BDNF: variants seen among roughly 807,000 people sequenced by gnomAD.
BDNF encodes the protein brain derived neurotrophic factor.
Under a neutral mutation model 19.5 loss-of-function variants are expected in BDNF, and 1 was observed. The observed-to-expected ratio is 0.05, with a 90% CI of 0.02 to 0.24. The LOEUF (loss-of-function observed/expected upper bound fraction) is 0.24. BDNF is among the 10% of genes least tolerant of loss of function. The pLI, the probability that BDNF is intolerant of heterozygous loss-of-function variation, is 1.00. For missense variants in BDNF, 195 were observed against 317.6 expected (o/e 0.61, Z 2.93); for synonymous variants, 100 against 121.6 (o/e 0.82, Z 1.17).
intron 1 of BDNF, among the ~76,000 whole-genome samples, chr11:27,664,630 TA>T (rs1344377505): frequency 2.6e-5 from 4 of 152,056 alleles, no homozygotes; most frequent in South Asian, 4.2e-4. Flanking sequence ...ACTTAAAAAT[TA>T]AAAAAATTAG....
intron 1 of BDNF, among the ~76,000 whole-genome samples, chr11:27,717,640 A>T (rs902017768): frequency 3.3e-5 from 5 of 152,232 alleles, no homozygotes; most frequent in Admixed American, 2.0e-4. Flanking sequence ...ATTTAATAGC[A>T]TCTAGGTTAA....
rs544887513 is a variant in BDNF, at chr11:27,720,508, G to T, written c.3+904C>A. ...CGAGCTCAATGAGGGGACCAAACTG[G>T]GGCTCGCTTTCCAAACGCTCCGCTC... is the stretch of plus-strand genomic sequence containing the variant. On this transcript the variant is annotated intron_variant, in intron 1 of 1. Coordinates refer to the BDNF transcript ENST00000314915. The T allele has an allele frequency of 6.1e-6, 6 of 985,838 alleles. No homozygotes were observed. In the East Asian group the frequency reaches 5.7e-4, roughly 93 times the overall value. 61.1% of individuals were successfully genotyped at this position (985,838 alleles called of 1,614,324 possible).
chr11:27,662,062 G>A (rs1054424395), intron 1 of BDNF, among the ~76,000 whole-genome samples: 2 of 152,086 alleles, frequency 1.3e-5, no homozygotes, highest in African/African-American at 4.8e-5. Flanking sequence ...GAGTGCAATG[G>A]TGCAATCTCG....
rs1855336913 is a variant in BDNF at position 27,671,279 on chromosome 11, A to T, written c.-21-12694T>A. ...TATGTAACAAACCTGCAGGTTGTGC[A>T]CATGTACCCTAGAACTTAAAGTATA... On this transcript the variant is annotated intron_variant, in intron 1 of 1. Transcript: ENST00000356660. Among the ~76,000 whole-genome samples, 6 of 151,772 alleles carry T rather than the reference A, an allele frequency of 4.0e-5. No individual in the cohort carries two copies. In the South Asian group the frequency reaches 1.2e-3, roughly 31 times the overall value.
intron 1 of BDNF, among the ~76,000 whole-genome samples, chr11:27,671,893 C>T (rs1387883396): frequency 2.0e-5 from 3 of 151,918 alleles, no homozygotes; most frequent in East Asian, 1.9e-4. Flanking sequence ...TTGAGAAGCA[C>T]AGGACTAAAT....
intron 1 of BDNF, among the ~76,000 whole-genome samples, chr11:27,713,730 C>T (rs372862790): frequency 6.6e-5 from 10 of 152,206 alleles, no homozygotes; most frequent in Non-Finnish European, 1.2e-4. Flanking sequence ...TCCCAGGTTG[C>T]GAAGATTTTG....
upstream of BDNF, chr11:27,700,520 G>GCCCCCCCCCCCCCCCCCCCCCC: frequency 1.5e-6 from 1 of 685,746 alleles, no homozygotes. Flanking sequence ...AAACGGCGCC[G>GCCCCCCCCCCCCCCCCCCCCCC]CCCCCCCCCC....
At chr11:27,697,981 C>T (rs995248068) in intron 1 of BDNF, 1 of 151,914 alleles carries the variant, frequency 6.6e-6, no homozygotes, top group Non-Finnish European at 1.5e-5. Context: ...TCTGTAATAA[C>T]TTAAAATAGT....
rs1852816615 is a variant in BDNF at position 27,658,163 on chromosome 11, G to A, written c.402C>T (p.Arg134=). 1 of 1,614,124 alleles carries A rather than the reference G, an allele frequency of 6.2e-7. No individual in the cohort carries two copies. Among genetic ancestry groups the A allele is most frequent in the Non-Finnish European group, 8.5e-7 (1 of 1,180,028 alleles). The change falls in exon 2 of 2, where the codon CGC becomes CGT. Residue 134 remains arginine, a synonymous_variant. Transcript: ENST00000356660. This position sits in a 1 kb window ranked among gnomAD's most constrained non-coding sequence, Gnocchi z 5.7. ...MRVRRHSDPA[R]RGELSVCDSI... Reference sequence around the variant, plus strand: ...TGTCACACACGCTCAGCTCCCCTCGGCGGGCAGGGTCAGAGTGGCGCCGGA... The same window carrying A: ...TGTCACACACGCTCAGCTCCCCTCGACGGGCAGGGTCAGAGTGGCGCCGGA...
At chr11:27,697,705 T>G (rs558104448) in intron 1 of BDNF, 2 of 152,210 alleles carry the variant, frequency 1.3e-5, no homozygotes, top group Non-Finnish European at 2.9e-5. Flanking sequence ...TGCTTCATTT[T>G]CTGGATGCAC....
In BDNF at chr11:27,680,485, A is replaced by G. The variant is rs1856709206; in HGVS notation, c.-22+19679T>C. The stretch of plus-strand genomic sequence containing the variant: ...GTAAGTTGGAAATCATAACCCATTT[A>G]TGGATACCTGCCTAGAACTGATTTC... On this transcript the variant is annotated intron_variant, in intron 1 of 1. Transcript: ENST00000356660. Among the ~76,000 whole-genome samples the G allele has an allele frequency of 1.3e-5, 2 of 152,204 alleles. 1 individual carries two copies. The highest frequency in any genetic ancestry group is 4.1e-4 in the South Asian group (2 of 4,836).
intron 1 of BDNF, among the ~76,000 whole-genome samples, chr11:27,707,505 A>G (rs533449399): frequency 5.3e-5 from 8 of 152,352 alleles, no homozygotes; most frequent in Admixed American, 5.2e-4. Context: ...GAAATTGTCC[A>G]GGGACTTTGT....
chr11:27,678,660 CAT>C (rs1856486161), intron 1 of BDNF, among the ~76,000 whole-genome samples: 1 of 152,188 alleles, frequency 6.6e-6, no homozygotes, highest in Non-Finnish European at 1.5e-5. Context: ...TTGTTGGAGA[CAT>C]GTGTCTGTCA....
chr11:27,680,274 AAAG>A (rs1856672177), intron 1 of BDNF, among the ~76,000 whole-genome samples: 1 of 152,224 alleles, frequency 6.6e-6, no homozygotes, highest in African/African-American at 2.4e-5. Context: ...CATTCCCAAA[AAAG>A]AGAATGAAAA....
chr11:27,665,626 G>A (rs1320699834), intron 1 of BDNF, among the ~76,000 whole-genome samples: 3 of 152,178 alleles, frequency 2.0e-5, no homozygotes, highest in Non-Finnish European at 4.4e-5. Flanking sequence ...TTATGTCCCA[G>A]GCCTGGCTCG....
At chr11:27,699,004 C>A (rs1316921019) in intron 1 of BDNF, among the ~76,000 whole-genome samples, 1 of 152,130 alleles carries the variant, frequency 6.6e-6, no homozygotes, top group African/African-American at 2.4e-5. Context: ...CCCCACCGAG[C>A]TGGAGTCAGC....
chr11:27,721,396 T>A, intron 1 of BDNF: 1 of 1,613,924 alleles, frequency 6.2e-7, no homozygotes, highest in Non-Finnish European at 8.5e-7. Context: ...ATAATGCAGG[T>A]TTTATTGCTA....
chr11:27,693,897 T>G (rs530108301), intron 1 of BDNF, among the ~76,000 whole-genome samples: 100 of 152,348 alleles, frequency 6.6e-4, no homozygotes, highest in African/African-American at 2.3e-3. Flanking sequence ...GCAAAAATTT[T>G]ATTTAGTAAG....
intron 1 of BDNF, among the ~76,000 whole-genome samples, chr11:27,666,426 T>C (rs952118012): frequency 1.5e-4 from 23 of 152,180 alleles, no homozygotes; most frequent in African/African-American, 5.3e-4. Context: ...AGAATGACTT[T>C]CACAAGTTGA....
Sources: allele counts gnomAD v4.1 joint callset (sites outside exome capture counted in the v4.1 genomes callset), GRCh38; gene constraint gnomAD v4.1.1; non-coding constraint Gnocchi (gnomAD v3.1); transcripts MANE v1.5; gene names NCBI Gene and HGNC (gene_info 2026-07-23, HGNC 2026-07-21).